Variants in N4BP2L2 observed in about 807,000 individuals in gnomAD.
N4BP2L2 encodes NEDD4-binding protein 2-like 2.
A neutral mutation model predicts 56.2 loss-of-function variants in N4BP2L2; 50 were observed. The ratio of observed to expected loss-of-function variants is 0.89; its 90% CI spans 0.71 to 1.13. N4BP2L2 has a LOEUF of 1.13. Among genes scored for constraint, N4BP2L2 ranks in the 50% most tolerant of loss-of-function variants. The probability of loss-of-function intolerance (pLI) is 0.00; values close to 1 mark genes in which losing one functional copy is unlikely to be tolerated. For missense variants in N4BP2L2, 689 were observed against 693.8 expected (o/e 0.99, Z 0.08); for synonymous variants, 203 against 223.6 (o/e 0.91, Z 0.82).
intron 7 of N4BP2L2, among the ~76,000 whole-genome samples, chr13:32,442,136 A>G (rs1243977385): frequency 6.6e-6 from 1 of 152,210 alleles, no homozygotes; most frequent in African/African-American, 2.4e-5. Context: ...TCTTCCCAGT[A>G]TCTATTGAAA....
chr13:32,506,391 G>C (rs2090953074), downstream of N4BP2L2: 1 of 152,136 alleles, frequency 6.6e-6, no homozygotes, highest in Admixed American at 6.5e-5. Flanking sequence ...TCTGTGTGTG[G>C]GAGTGGGGGG....
intron 5 of N4BP2L2, among the ~76,000 whole-genome samples, chr13:32,520,222 C>G (rs1214111238): frequency 6.6e-6 from 1 of 152,152 alleles, no homozygotes; most frequent in Non-Finnish European, 1.5e-5. Context: ...GGTTGCACAA[C>G]TCTGTGAATA....
intron 3 of N4BP2L2, chr13:32,525,707 G>T (rs1009519761): frequency 1.3e-5 from 2 of 152,090 alleles, no homozygotes; most frequent in Admixed American, 6.5e-5. Context: ...ATTCCTTACT[G>T]TATTTGACAA....
At chr13:32,527,097 T>C (rs1021943941) in intron 3 of N4BP2L2, 1 of 194,256 alleles carries the variant, frequency 5.1e-6, no homozygotes, top group African/African-American at 2.3e-5. Context: ...TCTCTGAATT[T>C]ACTCATCAAG....
At chr13:32,494,047 C>T (rs943817146) in intron 6 of N4BP2L2, among the ~76,000 whole-genome samples, 1 of 151,794 alleles carries the variant, frequency 6.6e-6, no homozygotes, top group East Asian at 1.9e-4. Flanking sequence ...CTGAGGTGGG[C>T]GGATCACTTG....
At chr13:32,536,226 A>G (rs2056520090) in exon 2 of N4BP2L2, 2 of 1,613,810 alleles carry the variant, frequency 1.2e-6, no homozygotes, top group South Asian at 2.2e-5. Flanking sequence ...ACTGACTGCC[A>G]TTCAGGCCTG....
At chr13:32,491,427 T>C (rs2087027686) in intron 6 of N4BP2L2, among the ~76,000 whole-genome samples, 2 of 151,446 alleles carry the variant, frequency 1.3e-5, no homozygotes, top group Non-Finnish European at 2.9e-5. Flanking sequence ...AAATTATAAA[T>C]AATGCCTTTT....
At chr13:32,480,779 G>A in intron 6 of N4BP2L2, 1 of 413,160 alleles carries the variant, frequency 2.4e-6, no homozygotes, top group Non-Finnish European at 4.1e-6. Context: ...ATTTCTCCAA[G>A]ACTGTATAGT....
intron 6 of N4BP2L2, among the ~76,000 whole-genome samples, chr13:32,491,627 A>ACTATATGTATAAACTATATATGTATAT: frequency 1.8e-5 from 2 of 111,532 alleles, no homozygotes; most frequent in Non-Finnish European, 3.7e-5. Context: ...TATTATATAT[A>ACTATATGTATAAACTATATATGTATAT]TATATATATT....
rs974285124 is a variant in N4BP2L2 at position 32,521,398 on chromosome 13, T to A, written c.1525A>T (p.Lys509Ter). The change falls in exon 5 of 6, where the codon AAA (lysine) becomes TAA (stop). Residue 509 changes from lysine (K) to a stop codon, truncating the protein, a stop_gained. Coordinates refer to ENST00000267068, the Ensembl canonical transcript of N4BP2L2. LOFTEE classifies it high-confidence loss of function. ...TTTTCTAATTCTTCAGGATCAAATT[T>A]CCACCAAGTTTCAGGTTCATGAAAC... is the stretch of plus-strand genomic sequence containing the variant. The A allele has an allele frequency of 6.2e-7, 1 of 1,612,786 alleles. No homozygotes were observed.
chr13:32,458,034 TTTTTG>T (rs1324850942), intron 6 of N4BP2L2, among the ~76,000 whole-genome samples: 5 of 151,928 alleles, frequency 3.3e-5, no homozygotes, highest in South Asian at 2.1e-4. Flanking sequence ...ATTGATTTGT[TTTTTG>T]TTTTGTTTTG....
At chr13:32,436,525 C>T in intron 8 of N4BP2L2, 5 of 426,336 alleles carry the variant, frequency 1.2e-5, no homozygotes, top group South Asian at 6.4e-5. Flanking sequence ...AACAGTGGCT[C>T]ACGCCTGTAA....
At chr13:32,536,120 T>C (rs1433226488) in exon 2 of N4BP2L2, 2 of 1,613,996 alleles carry the variant, frequency 1.2e-6, no homozygotes, top group African/African-American at 1.3e-5. Flanking sequence ...TTGGAAAATA[T>C]TTGATGGTGG....
At chr13:32,535,672 G>A (rs1310964539) in intron 2 of N4BP2L2, 97 bp downstream of exon 2, 8 of 1,344,298 alleles carry the variant, frequency 6.0e-6, no homozygotes, top group Non-Finnish European at 8.1e-6. Flanking sequence ...CCAAAGTGTT[G>A]GGATTACATG....
chr13:32,463,840 G>C (rs979273001), intron 6 of N4BP2L2, among the ~76,000 whole-genome samples: 3 of 135,434 alleles, frequency 2.2e-5, no homozygotes, highest in African/African-American at 8.3e-5. Flanking sequence ...CAGAAATGAA[G>C]GAAAAATTAA....
intron 6 of N4BP2L2, among the ~76,000 whole-genome samples, chr13:32,456,265 C>A (rs1414681725): frequency 6.6e-6 from 1 of 152,170 alleles, no homozygotes; most frequent in Non-Finnish European, 1.5e-5. Flanking sequence ...ACAAACACCA[C>A]AGATGCTGTT....
At chr13:32,535,836 T>G (rs1443989716) in exon 2 of N4BP2L2, 1 of 1,614,030 alleles carries the variant, frequency 6.2e-7, no homozygotes, top group Non-Finnish European at 8.5e-7. Flanking sequence ...TGCAATTTAT[T>G]TAACTTTTCC....
chr13:32,488,628 GTATATTTA>G (rs1309785864), intron 6 of N4BP2L2, among the ~76,000 whole-genome samples: 1 of 152,116 alleles, frequency 6.6e-6, no homozygotes, highest in African/African-American at 2.4e-5. Context: ...ATATGTGTTT[GTATATTTA>G]TATATTTAAA....
intron 6 of N4BP2L2, chr13:32,478,106 G>A: frequency 8.1e-7 from 1 of 1,237,854 alleles, no homozygotes; most frequent in Non-Finnish European, 1.1e-6. Context: ...ATGAAGATAT[G>A]CATTATAAAG....
Sources: gnomAD v4.1 joint callset for allele counts (sites outside exome capture counted in the v4.1 genomes callset) on GRCh38, gnomAD v4.1.1 for gene constraint, MANE v1.5 for transcripts, NCBI Gene and HGNC (gene_info 2026-07-23, HGNC 2026-07-21) for gene names.